Variants in EPB41L5 observed in about 807,000 individuals in gnomAD.
EPB41L5 encodes the protein erythrocyte membrane protein band 4.1 like 5.
In EPB41L5, 55 loss-of-function variants were observed where a neutral mutation model predicts 106.6. The ratio of observed to expected loss-of-function variants is 0.52; its 90% CI spans 0.42 to 0.65. The LOEUF (loss-of-function observed/expected upper bound fraction) is 0.65. Ranked by LOEUF, EPB41L5 falls within the 30% of genes least tolerant of loss-of-function variation. EPB41L5 has a pLI of 0.00. For missense variants in EPB41L5, 871 were observed against 882.1 expected (o/e 0.99, Z 0.16); for synonymous variants, 297 against 306.7 (o/e 0.97, Z 0.33).
chr2:120,101,432 C>T (rs963970827), intron 16 of EPB41L5, among the ~76,000 whole-genome samples: 1 of 152,038 alleles, frequency 6.6e-6, no homozygotes, highest in Non-Finnish European at 1.5e-5. Context: ...TTGAGTTTAT[C>T]CTTTCCCAAA....
intron 10 of EPB41L5, 29 bp from the exon 11 acceptor site, chr2:120,087,142 T>C (rs1683112860): frequency 7.5e-6 from 10 of 1,326,938 alleles, no homozygotes; most frequent in Non-Finnish European, 1.1e-5. Flanking sequence ...TGTTTGTAAT[T>C]TGGCTTTTAT....
chr2:120,172,998 C>G (rs951796908), intron 24 of EPB41L5, among the ~76,000 whole-genome samples: 1 of 152,040 alleles, frequency 6.6e-6, no homozygotes, highest in Non-Finnish European at 1.5e-5. Flanking sequence ...GAGGCTGAGG[C>G]AAGGAGATCG....
chr2:120,106,974 A>C, intron 16 of EPB41L5: 2 of 878,078 alleles, frequency 2.3e-6, no homozygotes, highest in Non-Finnish European at 2.7e-6. Context: ...CTAATATTGT[A>C]ATACCAGTAT....
At chr2:120,106,251 T>C in intron 16 of EPB41L5, 1 of 985,332 alleles carries the variant, frequency 1.0e-6, no homozygotes, top group Non-Finnish European at 1.2e-6. Context: ...GAGGCAGCGA[T>C]AGGGGTGAGG....
chr2:120,044,951 A>G (rs112441802), intron 3 of EPB41L5, among the ~76,000 whole-genome samples: 62 of 152,326 alleles, frequency 4.1e-4, no homozygotes, highest in African/African-American at 1.4e-3. Flanking sequence ...CAGATAAGCT[A>G]AACTTTTCAA....
intron 20 of EPB41L5, among the ~76,000 whole-genome samples, chr2:120,147,624 C>CAAAAAAAAAAAA: frequency 1.3e-5 from 1 of 75,596 alleles, no homozygotes; most frequent in Admixed American, 1.5e-4. Flanking sequence ...AACTCTGTCT[C>CAAAAAAAAAAAA]AAAAAAAAAA....
At chr2:120,145,289 G>A (rs778675690) in intron 19 of EPB41L5, among the ~76,000 whole-genome samples, 9 of 152,170 alleles carry the variant, frequency 5.9e-5, no homozygotes, top group Admixed American at 2.6e-4. Context: ...AATGTTCCTA[G>A]CAGCTTTATA....
intron 16 of EPB41L5, among the ~76,000 whole-genome samples, chr2:120,122,560 G>C (rs947614817): frequency 6.6e-6 from 1 of 152,168 alleles, no homozygotes; most frequent in African/African-American, 2.4e-5. Context: ...CCAGTACCAT[G>C]CTGTTTTGGT....
chr2:120,171,863 AAAAC>A (rs1189640816), intron 24 of EPB41L5, among the ~76,000 whole-genome samples: 1 of 152,162 alleles, frequency 6.6e-6, no homozygotes, highest in African/African-American at 2.4e-5. Context: ...GGTAAACTGA[AAAAC>A]AAGGAAATAA....
chr2:120,165,967 CAAAAAAA>C (rs536664071), intron 22 of EPB41L5, among the ~76,000 whole-genome samples: 44 of 27,982 alleles, frequency 1.6e-3, no homozygotes, highest in South Asian at 7.3e-3. Flanking sequence ...GACTCCGTCT[CAAAAAAA>C]AAAAAAAAAA....
chr2:120,024,864 A>T (rs545315522), intron 2 of EPB41L5, among the ~76,000 whole-genome samples: 1 of 152,294 alleles, frequency 6.6e-6, no homozygotes, highest in African/African-American at 2.4e-5. Flanking sequence ...CGACTTGATC[A>T]TGGTGGATGA....
At chr2:120,080,731 A>C (rs569547461) in intron 10 of EPB41L5, among the ~76,000 whole-genome samples, 1 of 152,352 alleles carries the variant, frequency 6.6e-6, no homozygotes, top group East Asian at 1.9e-4. Context: ...CCAACAGTGC[A>C]AAAGTGTTCC....
In EPB41L5 at chr2:120,019,079, A is replaced by T; in HGVS notation, c.-6A>T. On this transcript the variant is annotated splice_region_variant and 5_prime_UTR_variant, in exon 2 of 25. Transcript: ENST00000263713. ...TCTTTTTCTCTCTGTTTTTATAGTG[A>T]CAAAAATGCTGAGTTTCTTCCGTAG... The T allele has an allele frequency of 6.3e-7, 1 of 1,592,996 alleles. No homozygotes were observed. Among genetic ancestry groups the T allele is most frequent in the Non-Finnish European group, 8.5e-7 (1 of 1,173,016 alleles).
intron 2 of EPB41L5, among the ~76,000 whole-genome samples, chr2:120,024,597 C>G (rs1678180615): frequency 6.6e-6 from 1 of 152,098 alleles, no homozygotes; most frequent in Non-Finnish European, 1.5e-5. Context: ...GCTGGGACTA[C>G]AGGTGCCTGC....
chr2:120,099,923 GTCT>G (rs2105394520), intron 14 of EPB41L5, among the ~76,000 whole-genome samples: 1 of 152,304 alleles, frequency 6.6e-6, no homozygotes, highest in African/African-American at 2.4e-5. Context: ...TTGTGTTGCT[GTCT>G]TTGTTAGGCC....
At chr2:120,025,081 C>G (rs187686705) in intron 2 of EPB41L5, among the ~76,000 whole-genome samples, 157 of 152,326 alleles carry the variant, frequency 1.0e-3, no homozygotes, top group African/African-American at 3.7e-3. Context: ...TACCGCTCCT[C>G]TTTGTACCTC....
intron 14 of EPB41L5, among the ~76,000 whole-genome samples, chr2:120,093,750 TATA>T (rs1683566628): frequency 6.6e-6 from 1 of 152,206 alleles, no homozygotes; most frequent in Non-Finnish European, 1.5e-5. Context: ...GTAGTTTTCT[TATA>T]ATGTCATTGT....
At chr2:120,115,551 A>G (rs995614941) in intron 16 of EPB41L5, among the ~76,000 whole-genome samples, 7 of 150,668 alleles carry the variant, frequency 4.6e-5, no homozygotes, top group African/African-American at 1.7e-4. Flanking sequence ...ATGCCTGGCT[A>G]ATTTTTATTT....
intron 10 of EPB41L5, among the ~76,000 whole-genome samples, chr2:120,080,580 G>C (rs528870055): frequency 3.3e-5 from 5 of 152,270 alleles, no homozygotes; most frequent in Admixed American, 6.5e-5. Context: ...GTGTGCATGT[G>C]TCTTTATAGC....
Sources: gnomAD v4.1 joint callset for allele counts (sites outside exome capture counted in the v4.1 genomes callset) on GRCh38, gnomAD v4.1.1 for gene constraint, MANE v1.5 for transcripts, NCBI Gene and HGNC (gene_info 2026-07-23, HGNC 2026-07-21) for gene names.